The following VPS13B variants were observed in gnomAD, a reference collection of about 807,000 sequenced individuals.
The protein encoded by VPS13B is vacuolar protein sorting 13 homolog B.
VPS13B carries 285 observed loss-of-function variants against 426.4 expected under a neutral mutation model. The observed-to-expected ratio is 0.67, with a 90% CI of 0.61 to 0.74. VPS13B has a LOEUF of 0.74. VPS13B is among the 30% of genes least tolerant of loss of function. The probability of loss-of-function intolerance (pLI) is 0.00; values close to 1 mark genes in which losing one functional copy is unlikely to be tolerated. For missense variants in VPS13B, 4,537 were observed against 4,782.6 expected (o/e 0.95, Z 1.51); for synonymous variants, 1,676 against 1,676.4 (o/e 1.00, Z 0.01).
chr8:99,405,759 A>G (rs187787776), intron 21 of VPS13B, among the ~76,000 whole-genome samples: 115 of 149,744 alleles, frequency 7.7e-4, no homozygotes, highest in African/African-American at 2.7e-3. Context: ...TCATTTTCTT[A>G]TATACTTCAT....
chr8:99,825,449 A>G (rs1199270297), intron 51 of VPS13B, among the ~76,000 whole-genome samples: 3 of 152,052 alleles, frequency 2.0e-5, no homozygotes. Context: ...AATTTGATTA[A>G]GTTTCTTGTA....
At chr8:99,554,929 T>C (rs1174385485) in intron 30 of VPS13B, among the ~76,000 whole-genome samples, 1 of 152,102 alleles carries the variant, frequency 6.6e-6, no homozygotes, top group Non-Finnish European at 1.5e-5. Context: ...AAAATTTTAG[T>C]TCACCTTTCC....
intron 15 of VPS13B, among the ~76,000 whole-genome samples, chr8:99,163,847 A>T (rs1285104488): frequency 2.0e-5 from 3 of 152,180 alleles, no homozygotes; most frequent in African/African-American, 4.8e-5. Context: ...AGGGGCTCCC[A>T]CAGTGCAGTG....
intron 40 of VPS13B, among the ~76,000 whole-genome samples, chr8:99,767,839 G>A (rs1293487205): frequency 6.6e-6 from 1 of 152,078 alleles, no homozygotes; most frequent in Admixed American, 6.5e-5. Flanking sequence ...GTTGGGGAGA[G>A]GATCCCTTGA....
chr8:99,855,624 G>A (rs1413845735), intron 56 of VPS13B, among the ~76,000 whole-genome samples: 1 of 152,158 alleles, frequency 6.6e-6, no homozygotes, highest in African/African-American at 2.4e-5. Context: ...TATCCTCTTT[G>A]TAAAGTTGTA....
rs201866766 is a variant in VPS13B, at chr8:99,809,494, C to G, written c.8061C>G (p.Ile2687Met). 1.8e-5 allele frequency: 29 copies of G among 1,614,058 alleles called. No individual in the cohort carries two copies. The highest frequency in any genetic ancestry group is 4.0e-5 in the African/African-American group (3 of 75,044). ...IQYRGRTASL[I>M]IKVQQLNGVQ... Reference sequence around the variant, plus strand: ...ACAGGGGTCGAACTGCTTCTCTCATCATCAAGGTTCAGCAACTCAATGGAG... The same window carrying G: ...ACAGGGGTCGAACTGCTTCTCTCATGATCAAGGTTCAGCAACTCAATGGAG... Residue 2687 changes from isoleucine to methionine, a missense_variant, in exon 44 of 62, where the codon ATC (isoleucine) becomes ATG (methionine). Coordinates refer to ENST00000357162, the MANE Select transcript of VPS13B (RefSeq NM_152564.5).
At position 99,842,040 on chromosome 8, in the gene VPS13B, C is replaced by G. The variant is rs184549378; in HGVS notation, c.9942+6302C>G. On this transcript the variant is annotated intron_variant, in intron 54 of 61. Transcript: ENST00000357162. ...TCTACAGGCCAGGGCTCAATCACCT[C>G]TTCCCGCCTTTCAAAGTCTAAGTCT... Among the ~76,000 whole-genome samples, 21 of 152,348 alleles carry G rather than the reference C, an allele frequency of 1.4e-4. No homozygotes were observed. In the East Asian group the frequency reaches 3.5e-3, roughly 25 times the overall value.
intron 19 of VPS13B, among the ~76,000 whole-genome samples, chr8:99,365,557 C>T (rs551989942): frequency 6.2e-5 from 8 of 129,642 alleles, no homozygotes; most frequent in Non-Finnish European, 1.2e-4. Context: ...CGCTCTGTCG[C>T]CCAGGCTGGA....
At chr8:99,173,848 T>A (rs1196335288) in intron 16 of VPS13B, among the ~76,000 whole-genome samples, 1 of 152,232 alleles carries the variant, frequency 6.6e-6, no homozygotes, top group Admixed American at 6.5e-5. Context: ...TTAATATCAG[T>A]GCCTCAATTT....
chr8:99,708,759 T>A (rs1032242606), intron 36 of VPS13B, among the ~76,000 whole-genome samples: 3 of 152,146 alleles, frequency 2.0e-5, no homozygotes, highest in Non-Finnish European at 4.4e-5. Flanking sequence ...GGTTTTGTTA[T>A]GTTTTGTCCC....
chr8:99,410,437 T>G (rs550148661), intron 21 of VPS13B, among the ~76,000 whole-genome samples: 3 of 152,266 alleles, frequency 2.0e-5, no homozygotes, highest in African/African-American at 7.2e-5. Context: ...GTCTTTGATT[T>G]AAGAATTCTT....
chr8:99,208,249 C>T (rs1814846757), intron 17 of VPS13B, among the ~76,000 whole-genome samples: 1 of 152,172 alleles, frequency 6.6e-6, no homozygotes, highest in South Asian at 2.1e-4. Context: ...GATCCATCCT[C>T]ATGACCCAAA....
At chr8:99,340,134 CTA>C (rs1201248831) in intron 19 of VPS13B, among the ~76,000 whole-genome samples, 1 of 152,154 alleles carries the variant, frequency 6.6e-6, no homozygotes, top group Non-Finnish European at 1.5e-5. Flanking sequence ...AACAGAATAA[CTA>C]TAGTTATGTG....
At chr8:99,094,645 A>G (rs2132425583) in intron 3 of VPS13B, among the ~76,000 whole-genome samples, 1 of 152,186 alleles carries the variant, frequency 6.6e-6, no homozygotes, top group East Asian at 1.9e-4. Flanking sequence ...AACACCTTTT[A>G]TTGTATATTT....
intron 3 of VPS13B, among the ~76,000 whole-genome samples, chr8:99,088,748 G>C (rs1359280129): frequency 6.6e-6 from 1 of 152,100 alleles, no homozygotes; most frequent in African/African-American, 2.4e-5. Context: ...TTAATATATA[G>C]AATAAAGTTT....
In VPS13B at chr8:99,609,443, G is replaced by A. The variant is rs76259243; in HGVS notation, c.5220+31810G>A. 3.0e-4 allele frequency among the ~76,000 whole-genome samples: 45 copies of A among 152,206 alleles called. 1 individual carries two copies. In the East Asian group the frequency reaches 8.7e-3, roughly 29 times the overall value. On this transcript the variant is annotated intron_variant, in intron 33 of 61. Coordinates refer to ENST00000357162, the MANE Select transcript of VPS13B (RefSeq NM_152564.5). ...TTAAATTTTATCATTGGCAACAAACGCTATCTATAGTTTTCCTTGAAGTAA... is the reference window on the plus strand; with the variant it reads ...TTAAATTTTATCATTGGCAACAAACACTATCTATAGTTTTCCTTGAAGTAA...
intron 31 of VPS13B, among the ~76,000 whole-genome samples, chr8:99,567,011 T>G (rs139429913): frequency 2.0e-5 from 3 of 152,068 alleles, no homozygotes; most frequent in African/African-American, 7.2e-5. Context: ...TCCTCCTGCC[T>G]CATCCTCCCA....
chr8:99,344,290 T>C (rs1811412077), intron 19 of VPS13B, among the ~76,000 whole-genome samples: 1 of 152,162 alleles, frequency 6.6e-6, no homozygotes, highest in South Asian at 2.1e-4. Context: ...TCTCAAACCA[T>C]ATACAAAAAT....
At chr8:99,229,003 C>T (rs557531403) in intron 17 of VPS13B, among the ~76,000 whole-genome samples, 92 of 152,004 alleles carry the variant, frequency 6.1e-4, no homozygotes, top group Middle Eastern at 3.4e-3. Context: ...ATCTTCTGTG[C>T]GCTGTTAAAA....
Sources: allele counts gnomAD v4.1 joint callset (sites outside exome capture counted in the v4.1 genomes callset), GRCh38; gene constraint gnomAD v4.1.1; transcripts MANE v1.5; gene names NCBI Gene and HGNC (gene_info 2026-07-23, HGNC 2026-07-21).